The following AFG2A variants were observed in gnomAD, a reference collection of about 807,000 sequenced individuals.
AFG2A encodes the protein ATPase family gene 2 protein homolog A.
chr4:122,929,549 A>T, the AFG2A span, among the ~76,000 whole-genome samples: 2 of 151,828 alleles, frequency 1.3e-5, no homozygotes, highest in South Asian at 2.1e-4. Context: ...CAAAAAAGAA[A>T]ATTTCTGGGC....
the AFG2A span, among the ~76,000 whole-genome samples, chr4:123,087,904 G>A: frequency 1.3e-5 from 2 of 152,146 alleles, no homozygotes; most frequent in African/African-American, 4.8e-5. Flanking sequence ...AGACTTCCGA[G>A]CTCTTAACGT....
the AFG2A span, among the ~76,000 whole-genome samples, chr4:123,029,127 T>G: frequency 1.3e-5 from 2 of 152,224 alleles, no homozygotes; most frequent in South Asian, 2.1e-4. Context: ...TACCAGGGAA[T>G]TTTTTACATA....
chr4:123,024,227 C>CAAAAAAAAAAAAAAAAA, the AFG2A span, among the ~76,000 whole-genome samples: 1 of 123,652 alleles, frequency 8.1e-6, no homozygotes, highest in Non-Finnish European at 1.6e-5. Context: ...AGACTATAAG[C>CAAAAAAAAAAAAAAAAA]AAAAAAAAAA....
the AFG2A span, among the ~76,000 whole-genome samples, chr4:123,006,288 A>G: frequency 1.3e-5 from 2 of 151,656 alleles, no homozygotes; most frequent in East Asian, 1.9e-4. Context: ...TGTCTTGTCT[A>G]TATAACATGT....
the AFG2A span, among the ~76,000 whole-genome samples, chr4:123,122,273 TCC>T: frequency 6.6e-6 from 1 of 152,232 alleles, no homozygotes; most frequent in Non-Finnish European, 1.5e-5. Flanking sequence ...TGGAGTTCCT[TCC>T]TGTTAAAGGT....
At chr4:123,073,354 T>A in the AFG2A span, among the ~76,000 whole-genome samples, 2 of 152,132 alleles carry the variant, frequency 1.3e-5, no homozygotes, top group East Asian at 1.9e-4. Flanking sequence ...ATGATGTTTT[T>A]AAAATAATTT....
chr4:123,225,032 T>C, the AFG2A span, among the ~76,000 whole-genome samples: 2 of 152,230 alleles, frequency 1.3e-5, no homozygotes, highest in Non-Finnish European at 2.9e-5. Context: ...TCTGTTCATA[T>C]CCTTCACCCA....
the AFG2A span, among the ~76,000 whole-genome samples, chr4:123,195,361 G>T: frequency 1.3e-5 from 2 of 152,156 alleles, no homozygotes; most frequent in East Asian, 3.9e-4. Context: ...ACTTCATGAG[G>T]TCAGTATTAT....
At chr4:123,300,868 A>G in the AFG2A span, among the ~76,000 whole-genome samples, 2 of 151,912 alleles carry the variant, frequency 1.3e-5, no homozygotes, top group African/African-American at 4.8e-5. Context: ...GAAATTTTCT[A>G]GGGTACAAAA....
chr4:123,115,033 C>A, the AFG2A span, among the ~76,000 whole-genome samples: 15,953 of 152,230 alleles, frequency 0.1, 937 homozygotes, highest in Middle Eastern at 0.2. Flanking sequence ...ACCTTGAGGA[C>A]ATGGGACACA....
the AFG2A span, among the ~76,000 whole-genome samples, chr4:123,088,079 G>C: frequency 6.6e-6 from 1 of 152,052 alleles, no homozygotes; most frequent in Non-Finnish European, 1.5e-5. Flanking sequence ...TGGATAACAA[G>C]GTCTTTGTTT....
At chr4:123,193,849 A>G in the AFG2A span, among the ~76,000 whole-genome samples, 1 of 152,230 alleles carries the variant, frequency 6.6e-6, no homozygotes, top group East Asian at 1.9e-4. Context: ...AAAATAACAC[A>G]TGTATAGCCC....
At chr4:123,035,218 G>A in the AFG2A span, among the ~76,000 whole-genome samples, 2 of 152,134 alleles carry the variant, frequency 1.3e-5, no homozygotes, top group African/African-American at 4.8e-5. Flanking sequence ...CTTGGGTGCA[G>A]CTTCCAGTTT....
At chr4:123,070,269 TTTATAA>T in the AFG2A span, among the ~76,000 whole-genome samples, 1 of 152,232 alleles carries the variant, frequency 6.6e-6, no homozygotes, top group East Asian at 1.9e-4. Context: ...TTAATTAATT[TTTATAA>T]TTATAATTAT....
chr4:122,951,570 A>G, the AFG2A span, among the ~76,000 whole-genome samples: 8,139 of 152,168 alleles, frequency 0.053, 522 homozygotes, highest in African/African-American at 0.16. Flanking sequence ...GAGAATCACA[A>G]TTTTCCTTAA....
At chr4:123,143,684 A>G in the AFG2A span, among the ~76,000 whole-genome samples, 21 of 151,832 alleles carry the variant, frequency 1.4e-4, no homozygotes, top group Non-Finnish European at 2.9e-4. Context: ...TTAGTCTCCA[A>G]TCTGTGGAAA....
At chr4:123,036,983 T>C in the AFG2A span, among the ~76,000 whole-genome samples, 7 of 152,176 alleles carry the variant, frequency 4.6e-5, no homozygotes, top group Non-Finnish European at 7.4e-5. Context: ...TATGTAATTC[T>C]ATCTTATGTG....
At chr4:123,262,956 G>A in the AFG2A span, among the ~76,000 whole-genome samples, 2 of 152,170 alleles carry the variant, frequency 1.3e-5, no homozygotes, top group African/African-American at 4.8e-5. Flanking sequence ...AGGCAGAGAT[G>A]AATGAAAGAA....
the AFG2A span, among the ~76,000 whole-genome samples, chr4:123,162,523 T>C: frequency 1.3e-5 from 2 of 152,168 alleles, no homozygotes; most frequent in South Asian, 4.1e-4. Flanking sequence ...GGAGAATCAA[T>C]GGGCCCACTG....
Sources: allele counts gnomAD v4.1 joint callset (sites outside exome capture counted in the v4.1 genomes callset), GRCh38; gene constraint gnomAD v4.1.1; transcripts MANE v1.5; gene names NCBI Gene and HGNC (gene_info 2026-07-23, HGNC 2026-07-21).